Variants in FGF10 observed in about 807,000 individuals in gnomAD.
The protein encoded by FGF10 is fibroblast growth factor 10.
A neutral mutation model predicts 19.8 loss-of-function variants in FGF10; 2 were observed. The ratio of observed to expected loss-of-function variants is 0.10; its 90% CI spans 0.04 to 0.32. The LOEUF (loss-of-function observed/expected upper bound fraction) is 0.32. Ranked by LOEUF, FGF10 falls within the 10% of genes least tolerant of loss-of-function variation. The pLI is 1.00. For missense variants in FGF10, 191 were observed against 246.3 expected (o/e 0.78, Z 1.50); for synonymous variants, 112 against 94.0 (o/e 1.19, Z -1.10).
intron 1 of FGF10, among the ~76,000 whole-genome samples, chr5:44,313,102 T>C (rs899698048): frequency 1.3e-5 from 2 of 152,108 alleles, no homozygotes; most frequent in Non-Finnish European, 2.9e-5. Context: ...TATTTTTATA[T>C]TATTATTTAG....
chr5:44,378,922 G>C (rs181786934), intron 1 of FGF10, among the ~76,000 whole-genome samples: 1 of 152,270 alleles, frequency 6.6e-6, no homozygotes, highest in African/African-American at 2.4e-5. Context: ...CTTATGATGT[G>C]ACAGGCACCA....
Position 44,384,724 on chromosome 5 carries a change from T to C in FGF10, c.325+3634A>G, listed in dbSNP as rs530985891. 2.6e-5 allele frequency among the ~76,000 whole-genome samples: 4 copies of C among 152,248 alleles called. No homozygotes were observed. The East Asian group carries it at 5.8e-4, about 22-fold the overall frequency. On this transcript the variant is annotated intron_variant, in intron 1 of 2. Coordinates refer to ENST00000264664, the MANE Select transcript of FGF10 (RefSeq NM_004465.2). Reference sequence around the variant, plus strand: ...AATGTTGATAGTTGTAGGACTATTATGACTATTAAATGAAGTGTGTATTTA... The same window carrying C: ...AATGTTGATAGTTGTAGGACTATTACGACTATTAAATGAAGTGTGTATTTA...
intron 1 of FGF10, among the ~76,000 whole-genome samples, chr5:44,326,962 G>C (rs1259330798): frequency 6.6e-6 from 1 of 152,072 alleles, no homozygotes; most frequent in African/African-American, 2.4e-5. Flanking sequence ...CTGTTCCTCT[G>C]TTGGCAGGTA....
chr5:44,330,043 G>A (rs1561203548), intron 1 of FGF10, among the ~76,000 whole-genome samples: 1 of 152,078 alleles, frequency 6.6e-6, no homozygotes, highest in Non-Finnish European at 1.5e-5. Flanking sequence ...TCATTCTTGT[G>A]AGTTAAATAT....
At chr5:44,361,638 G>A (rs977990064) in intron 1 of FGF10, among the ~76,000 whole-genome samples, 1 of 151,634 alleles carries the variant, frequency 6.6e-6, no homozygotes, top group Non-Finnish European at 1.5e-5. Flanking sequence ...GAGCCAGGGA[G>A]GAGAGAGAAG....
chr5:44,371,117 A>T (rs1561217591), intron 1 of FGF10, among the ~76,000 whole-genome samples: 1 of 152,114 alleles, frequency 6.6e-6, no homozygotes, highest in Non-Finnish European at 1.5e-5. Context: ...TGATTGGTTC[A>T]TGAATGCTCT....
At chr5:44,345,199 C>G (rs1741060190) in intron 1 of FGF10, among the ~76,000 whole-genome samples, 2 of 151,772 alleles carry the variant, frequency 1.3e-5, no homozygotes, top group Middle Eastern at 3.4e-3. Context: ...TAAAAATAGT[C>G]TTCAAATTCC....
chr5:44,366,396 G>A (rs994224460), intron 1 of FGF10, among the ~76,000 whole-genome samples: 2 of 151,826 alleles, frequency 1.3e-5, no homozygotes, highest in South Asian at 4.2e-4. Flanking sequence ...CTCAGACATG[G>A]CAACATTAAG....
chr5:44,313,222 T>G (rs1018670989), intron 1 of FGF10, among the ~76,000 whole-genome samples: 1 of 152,130 alleles, frequency 6.6e-6, no homozygotes, highest in Non-Finnish European at 1.5e-5. Context: ...TTGATCATCT[T>G]GTGAGTAATG....
chr5:44,334,822 A>G (rs1032416935), intron 1 of FGF10, among the ~76,000 whole-genome samples: 3 of 152,160 alleles, frequency 2.0e-5, no homozygotes, highest in African/African-American at 7.2e-5. Flanking sequence ...ACAAATAAAG[A>G]TACTTGCATA....
chr5:44,331,989 A>T (rs1236709556), intron 1 of FGF10, among the ~76,000 whole-genome samples: 1 of 152,078 alleles, frequency 6.6e-6, no homozygotes, highest in African/African-American at 2.4e-5. Flanking sequence ...AGGGAAAAAA[A>T]AAACCTACCA....
intron 1 of FGF10, among the ~76,000 whole-genome samples, chr5:44,342,207 A>G (rs1224876399): frequency 6.6e-6 from 1 of 151,964 alleles, no homozygotes; most frequent in Admixed American, 6.6e-5. Context: ...AGTATCACAA[A>G]CAAATCAATG....
At chr5:44,350,167 TA>T (rs1741199725) in intron 1 of FGF10, among the ~76,000 whole-genome samples, 1 of 150,648 alleles carries the variant, frequency 6.6e-6, no homozygotes, top group Non-Finnish European at 1.5e-5. Flanking sequence ...GTATCTCTTC[TA>T]AATATATATA....
intron 1 of FGF10, among the ~76,000 whole-genome samples, 197 bp downstream of exon 1, chr5:44,388,161 C>T (rs1742149086): frequency 7.4e-6 from 1 of 135,688 alleles, no homozygotes; most frequent in Non-Finnish European, 1.6e-5. Context: ...AGGGAGCGCG[C>T]TTAGGGGAGG....
chr5:44,339,217 C>T (rs891333962), intron 1 of FGF10, among the ~76,000 whole-genome samples: 44 of 152,066 alleles, frequency 2.9e-4, no homozygotes, highest in African/African-American at 1.1e-3. Context: ...GAAGTCTTTA[C>T]ATCTCAGGTT....
chr5:44,301,039 C>A lies in FGF10; in HGVS notation c.*3956G>T, dbSNP rs571986013. 7.9e-5 allele frequency among the ~76,000 whole-genome samples: 12 copies of A among 152,180 alleles called. No homozygotes were observed. In the East Asian group the frequency reaches 2.3e-3, roughly 29 times the overall value. ...AATGAATGTCTGAGAAGAAGCAGAT[C>A]TTCGTTACTTCATTTCTAAGTACTC... is the stretch of plus-strand genomic sequence containing the variant. On this transcript the variant is annotated 3_prime_UTR_variant, in exon 3 of 3. Coordinates refer to ENST00000264664, the MANE Select transcript of FGF10 (RefSeq NM_004465.2).
chr5:44,314,490 T>A (rs934601507), intron 1 of FGF10, among the ~76,000 whole-genome samples: 4 of 152,118 alleles, frequency 2.6e-5, no homozygotes, highest in African/African-American at 9.7e-5. Context: ...ATGACAAAAA[T>A]CAGTTCATAT....
At chr5:44,340,715 C>G (rs902019179) in intron 1 of FGF10, among the ~76,000 whole-genome samples, 4 of 151,738 alleles carry the variant, frequency 2.6e-5, no homozygotes, top group Non-Finnish European at 4.4e-5. Flanking sequence ...GAATAACTTT[C>G]TTGATACACA....
chr5:44,346,116 C>G (rs1053201373), intron 1 of FGF10, among the ~76,000 whole-genome samples: 5 of 151,768 alleles, frequency 3.3e-5, no homozygotes, highest in African/African-American at 9.7e-5. Context: ...CCTTGTCCCA[C>G]AGCCTTAATC....
Sources: allele counts gnomAD v4.1 joint callset (sites outside exome capture counted in the v4.1 genomes callset), GRCh38; gene constraint gnomAD v4.1.1; transcripts MANE v1.5; gene names NCBI Gene and HGNC (gene_info 2026-07-23, HGNC 2026-07-21).